Variants in SLC30A9 observed in about 807,000 individuals in gnomAD.
SLC30A9 encodes the protein proton-coupled zinc antiporter SLC30A9, mitochondrial.
A neutral mutation model predicts 87.5 loss-of-function variants in SLC30A9; 58 were observed. The ratio of observed to expected loss-of-function variants is 0.66; its 90% CI spans 0.54 to 0.82. SLC30A9 has a LOEUF of 0.82. SLC30A9 is among the 40% of genes least tolerant of loss of function. The pLI is 0.00. For missense variants in SLC30A9, 557 were observed against 679.1 expected (o/e 0.82, Z 2.00); for synonymous variants, 234 against 233.0 (o/e 1.00, Z -0.04).
At chr4:42,031,140 T>G (rs1015586063) in intron 6 of SLC30A9, among the ~76,000 whole-genome samples, 4 of 152,016 alleles carry the variant, frequency 2.6e-5, no homozygotes, top group African/African-American at 9.7e-5. Flanking sequence ...CAGTACTCCA[T>G]AGACTGGTGT....
At chr4:42,061,226 A>G (rs1399844689) in intron 10 of SLC30A9, among the ~76,000 whole-genome samples, 1 of 152,224 alleles carries the variant, frequency 6.6e-6, no homozygotes, top group Non-Finnish European at 1.5e-5. Flanking sequence ...CCAGTATGGT[A>G]GTAGCTAACT....
At chr4:42,005,698 C>T (rs1442914676) in intron 2 of SLC30A9, among the ~76,000 whole-genome samples, 2 of 152,176 alleles carry the variant, frequency 1.3e-5, no homozygotes, top group Non-Finnish European at 2.9e-5. Context: ...ATTCTGCTTT[C>T]ACTTCATTTT....
At chr4:42,023,110 TG>T (rs1716043520) in intron 5 of SLC30A9, among the ~76,000 whole-genome samples, 180 bp downstream of exon 5, 1 of 152,230 alleles carries the variant, frequency 6.6e-6, no homozygotes, top group Non-Finnish European at 1.5e-5. Flanking sequence ...TGTCATAATG[TG>T]TAAGAAAATT....
intron 1 of SLC30A9, among the ~76,000 whole-genome samples, chr4:41,998,462 C>CTTTTTTTTTTTTTTTTTT (rs34295020): frequency 6.9e-6 from 1 of 144,948 alleles, no homozygotes; most frequent in Non-Finnish European, 1.5e-5. Context: ...TTCAGTAATT[C>CTTTTTTTTTTTTTTTTTT]TTTTTTTTTG....
intron 2 of SLC30A9, among the ~76,000 whole-genome samples, chr4:42,017,763 A>G (rs754752636): frequency 3.9e-5 from 6 of 152,134 alleles, no homozygotes; most frequent in Non-Finnish European, 7.4e-5. Flanking sequence ...GCATTTAAAC[A>G]TTCACCATTA....
intron 8 of SLC30A9, among the ~76,000 whole-genome samples, chr4:42,045,005 G>A (rs1340379512): frequency 6.6e-6 from 1 of 152,114 alleles, no homozygotes; most frequent in East Asian, 1.9e-4. Flanking sequence ...TAAGTTCCTT[G>A]ACACCAATGA....
intron 6 of SLC30A9, among the ~76,000 whole-genome samples, chr4:42,034,295 C>A (rs1008816910): frequency 2.0e-5 from 3 of 152,062 alleles, no homozygotes; most frequent in South Asian, 2.1e-4. Flanking sequence ...CCAAAATTTA[C>A]CATCTTAACC....
chr4:42,055,424 T>A (rs1020164374), intron 9 of SLC30A9, among the ~76,000 whole-genome samples: 3 of 152,142 alleles, frequency 2.0e-5, no homozygotes, highest in Non-Finnish European at 2.9e-5. Context: ...TCTCGCTGTC[T>A]TGCCCAGGCT....
intron 1 of SLC30A9, among the ~76,000 whole-genome samples, chr4:42,000,479 A>C (rs1438242959): frequency 6.6e-6 from 1 of 152,086 alleles, no homozygotes; most frequent in East Asian, 1.9e-4. Flanking sequence ...AATAGACACA[A>C]ATGACCAAAA....
chr4:42,040,747 G>T (rs1716888147), intron 8 of SLC30A9, among the ~76,000 whole-genome samples: 1 of 131,492 alleles, frequency 7.6e-6, no homozygotes, highest in South Asian at 2.6e-4. Flanking sequence ...AGTGAGCCAA[G>T]ATTGCGCCAC....
intron 1 of SLC30A9, among the ~76,000 whole-genome samples, chr4:41,997,068 GA>G (rs1046355614): frequency 1.9e-4 from 13 of 70,032 alleles, no homozygotes; most frequent in African/African-American, 3.8e-4. Flanking sequence ...AAATAAAAAT[GA>G]AAAAGAAAAA....
At chr4:42,081,256 A>G (rs1427326899) in intron 17 of SLC30A9, among the ~76,000 whole-genome samples, 1 of 152,232 alleles carries the variant, frequency 6.6e-6, no homozygotes, top group Non-Finnish European at 1.5e-5. Context: ...TAGGTTTAAT[A>G]AAATGGATAT....
chr4:41,994,706 C>T (rs1240278285), intron 1 of SLC30A9, among the ~76,000 whole-genome samples: 2 of 150,124 alleles, frequency 1.3e-5, no homozygotes, highest in Non-Finnish European at 1.5e-5. Context: ...TGGCCAACAT[C>T]GTGAAACCTC....
chr4:42,023,331 C>T lies in SLC30A9; in HGVS notation c.557C>T (p.Ala186Val), dbSNP rs1716054840. The change falls in exon 6 of 18, where the codon GCT (alanine) becomes GTT (valine). Residue 186 changes from alanine to valine, a missense_variant. By Grantham distance (64) the Ala-to-Val change is moderately conservative (BLOSUM62 0). Coordinates refer to ENST00000264451, the MANE Select transcript of SLC30A9 (RefSeq NM_006345.4). The stretch of plus-strand genomic sequence containing the variant: ...TTGGAAGTTTGGGGAAGCCCTGAAG[C>T]TCTTGCCAGAGAGAAAAAATTGCGT... ...KSLEVWGSPEALAREKKLRKE... is the reference protein window; with the variant it reads ...KSLEVWGSPEVLAREKKLRKE... 6.2e-6 allele frequency: 10 copies of T among 1,613,436 alleles called. No individual in the cohort carries two copies. The highest frequency in any genetic ancestry group is 8.5e-6 in the Non-Finnish European group (10 of 1,179,508).
chr4:42,033,654 C>T (rs892004349), intron 6 of SLC30A9, among the ~76,000 whole-genome samples: 1 of 152,126 alleles, frequency 6.6e-6, no homozygotes, highest in African/African-American at 2.4e-5. Context: ...TGGCTCACTG[C>T]AACCTCCGCC....
chr4:42,025,874 C>T (rs992061872), intron 6 of SLC30A9, among the ~76,000 whole-genome samples: 3 of 152,210 alleles, frequency 2.0e-5, no homozygotes, highest in East Asian at 1.9e-4. Context: ...ACCGTGGTCT[C>T]GATCTCCTGA....
chr4:42,035,160 T>G, intron 6 of SLC30A9, 115 bp from the exon 7 acceptor site: 1 of 1,006,882 alleles, frequency 9.9e-7, no homozygotes, highest in South Asian at 1.6e-5. Context: ...ACTTAATATT[T>G]TTGCTGTTAG....
intron 9 of SLC30A9, among the ~76,000 whole-genome samples, chr4:42,056,354 T>A (rs1185289524): frequency 6.6e-6 from 1 of 151,904 alleles, no homozygotes; most frequent in Admixed American, 6.6e-5. Flanking sequence ...AAAAAAGAGG[T>A]TTAATTGTGA....
At chr4:42,032,271 G>A (rs2153136678) in intron 6 of SLC30A9, among the ~76,000 whole-genome samples, 1 of 151,930 alleles carries the variant, frequency 6.6e-6, no homozygotes, top group Middle Eastern at 3.4e-3. Flanking sequence ...ATTTGGATGG[G>A]GACACAGGTC....
Sources: allele counts gnomAD v4.1 joint callset (sites outside exome capture counted in the v4.1 genomes callset), GRCh38; gene constraint gnomAD v4.1.1; transcripts MANE v1.5; gene names NCBI Gene and HGNC (gene_info 2026-07-23, HGNC 2026-07-21).